SCAP: variants seen among roughly 807,000 people sequenced by gnomAD.
SCAP encodes the protein SREBF chaperone.
A neutral mutation model predicts 123.6 loss-of-function variants in SCAP; 65 were observed. That is an observed-to-expected ratio of 0.53 (90% CI 0.43 to 0.65). The LOEUF (loss-of-function observed/expected upper bound fraction) is 0.65, where lower values mean the gene tolerates loss of function less well. SCAP is among the 30% of genes least tolerant of loss of function. SCAP has a pLI of 0.00. For missense variants in SCAP, 1,398 were observed against 1,712.5 expected, an observed-to-expected ratio of 0.82 and a Z score of 3.24; for synonymous variants, 740 against 726.3, an observed-to-expected ratio of 1.02 and a Z score of -0.30.
At chr3:47,444,843 C>A (rs1706966080) in intron 1 of SCAP, among the ~76,000 whole-genome samples, 2 of 151,232 alleles carry the variant, frequency 1.3e-5, no homozygotes, top group Admixed American at 6.6e-5. Context: ...ACAATCTTGG[C>A]TCAATGAAAT....
intron 2 of SCAP, 89 bp from the exon 3 acceptor site, chr3:47,435,226 C>T (rs1706522318): frequency 1.4e-6 from 2 of 1,413,510 alleles, no homozygotes; most frequent in South Asian, 1.4e-5. Context: ...GAGTTAATAA[C>T]TAAATTCTGT....
chr3:47,472,756 T>C (rs1287395668), intron 1 of SCAP, among the ~76,000 whole-genome samples: 1 of 151,998 alleles, frequency 6.6e-6, no homozygotes, highest in Non-Finnish European at 1.5e-5. Flanking sequence ...TACCACCTTC[T>C]TCCACTACCC....
At chr3:47,436,308 G>A (rs1183764031) in intron 2 of SCAP, among the ~76,000 whole-genome samples, 2 of 152,178 alleles carry the variant, frequency 1.3e-5, no homozygotes, top group African/African-American at 2.4e-5. Context: ...CCCGATATAC[G>A]CAAGGAAAAG....
rs57702290 is a variant in SCAP at position 47,435,469 on chromosome 3, T to TACACACACACAC, written c.123-344_123-333dup. 8.5e-3 allele frequency among the ~76,000 whole-genome samples: 780 copies of TACACACACACAC among 91,908 alleles called. 14 individuals carry two copies. The highest frequency in any genetic ancestry group is 0.022 in the African/African-American group (634 of 28,888). The allele number at this position is 91,908 out of a possible 152,430, so 60.3% of individuals were successfully genotyped here. A position where few individuals can be genotyped will look rare whatever the true frequency, so the allele number is the denominator to read the frequency against. On this transcript the variant is annotated intron_variant, in intron 2 of 22. Coordinates refer to ENST00000265565, the MANE Select transcript of SCAP (RefSeq NM_012235.4). The stretch of plus-strand genomic sequence containing the variant: ...AACATTAACATATATAATATAAACA[T>TACACACACACAC]ACACACACACACACACACACACACA...
chr3:47,465,240 G>A (rs989868576), intron 1 of SCAP, among the ~76,000 whole-genome samples: 3 of 150,740 alleles, frequency 2.0e-5, no homozygotes, highest in African/African-American at 4.9e-5. Flanking sequence ...GCACAATCTC[G>A]GTTCACTGCA....
At position 47,417,446 on chromosome 3, in the gene SCAP, G is replaced by T. The variant is rs1705640374; in HGVS notation, c.2828C>A (p.Ser943Tyr). 6.4e-7 allele frequency: 1 copy of T among 1,553,848 alleles called. No individual in the cohort carries two copies. Reference sequence around the variant, plus strand: ...GCCACCCTCGTCCTCAGGGGCCTGGGACAGCACCGGCCCAGGCGAGGGTGG... The same window carrying T: ...GCCACCCTCGTCCTCAGGGGCCTGGTACAGCACCGGCCCAGGCGAGGGTGG... ...LRPPSPGPVL[S>Y]QAPEDEGGSP... Residue 943 changes from serine (S) to tyrosine (Y), a missense_variant, in exon 17 of 23, where the codon TCC (serine) becomes TAC (tyrosine). Physicochemically the swap from Ser to Tyr is moderately radical, Grantham distance 144. Transcript: ENST00000265565.
intron 18 of SCAP, 23 bp from the exon 19 acceptor site, chr3:47,415,203 A>G: frequency 6.3e-7 from 1 of 1,595,832 alleles, no homozygotes; most frequent in South Asian, 1.1e-5. Context: ...AACAGCTGCC[A>G]GGGGCCTCTC....
rs1706873022 is a variant in SCAP, at chr3:47,443,166, T to TA, written c.-98-76dup. 3.3e-6 allele frequency: 4 copies of TA among 1,194,914 alleles called. No individual in the cohort carries two copies. The Admixed American group carries it at 1.1e-4, about 34-fold the overall frequency. 74.0% of individuals were successfully genotyped at this position (1,194,914 alleles called of 1,614,324 possible). A position where few individuals can be genotyped will look rare whatever the true frequency, so the allele number is the denominator to read the frequency against. ...CACTAGGGCTGCTGGAGGGAGGCGA[T>TA]AGTTATGTGGCTGGGGAATGGTTTC... On this transcript the variant is annotated intron_variant, in intron 1 of 22. Transcript: ENST00000265565.
chr3:47,428,428 G>T, intron 4 of SCAP, 85 bp downstream of exon 4: 1 of 1,368,742 alleles, frequency 7.3e-7, no homozygotes, highest in Non-Finnish European at 1.0e-6. Context: ...GAGCTGACTG[G>T]CTCACTGCAG....
intron 3 of SCAP, among the ~76,000 whole-genome samples, chr3:47,429,243 T>C (rs892191091): frequency 6.6e-6 from 1 of 152,368 alleles, no homozygotes; most frequent in East Asian, 1.9e-4. Flanking sequence ...GTCACAGTAT[T>C]GGCTTCTAGC....
chr3:47,467,336 G>A (rs987429380), intron 1 of SCAP, among the ~76,000 whole-genome samples: 1 of 152,058 alleles, frequency 6.6e-6, no homozygotes, highest in Admixed American at 6.6e-5. Context: ...TCGGTGGGGT[G>A]GCTCATGCCT....
intron 1 of SCAP, among the ~76,000 whole-genome samples, chr3:47,474,996 C>T (rs777984970): frequency 6.6e-6 from 1 of 152,172 alleles, no homozygotes; most frequent in Non-Finnish European, 1.5e-5. Context: ...AAGAAACACA[C>T]GCAACGCTAA....
Position 47,418,302 on chromosome 3 carries a change from C to T in SCAP, c.2331+19G>A. 1.3e-6 allele frequency: 2 copies of T among 1,554,322 alleles called. No individual in the cohort carries two copies. Among genetic ancestry groups the T allele is most frequent in the Admixed American group, 1.9e-5 (1 of 51,652 alleles). The stretch of plus-strand genomic sequence containing the variant: ...CAGGCTCCGGCCCTCCCCTACCCGG[C>T]CACTGTGCCCCTGCTCACCATGAGG... On this transcript the variant is annotated intron_variant, in intron 15 of 22. Coordinates refer to ENST00000265565, the MANE Select transcript of SCAP (RefSeq NM_012235.4).
chr3:47,422,387 G>A, intron 10 of SCAP, 55 bp downstream of exon 10: 1 of 1,496,822 alleles, frequency 6.7e-7, no homozygotes, highest in Middle Eastern at 1.9e-4. Flanking sequence ...TGCACAGCTG[G>A]GGAGCACAGC....
rs750672909 is a variant in SCAP, at chr3:47,418,225, C to T, written c.2356G>A (p.Gly786Ser). ...LMDIECLASDGMLLVSCCLAG... is the reference protein window; with the variant it reads ...LMDIECLASDSMLLVSCCLAG... ...AGGCAGCAGCTCACCAGCAGCATGC[C>T]GTCGCTGGCCAGGCACTCGATGTCC... The change falls in exon 16 of 23, where the codon GGC becomes AGC. Residue 786 changes from glycine to serine, a missense_variant. Transcript: ENST00000265565. 14 of 1,569,504 alleles carry T rather than the reference C, an allele frequency of 8.9e-6. No homozygotes were observed. In the East Asian group the frequency reaches 1.9e-4, roughly 21 times the overall value.
Position 47,414,938 on chromosome 3 carries a change from T to C in SCAP, c.3195A>G (p.Thr1065=), listed in dbSNP as rs769484575. The C allele has an allele frequency of 1.2e-6, 2 of 1,612,034 alleles. No homozygotes were observed. The highest frequency in any genetic ancestry group is 1.7e-6 in the Non-Finnish European group (2 of 1,179,422). The change falls in exon 20 of 23, where the codon ACA becomes ACG. Residue 1065 remains threonine (T), a synonymous_variant. Transcript: ENST00000265565. ...PASPVYSSSD[T]VACHLTHTVP... ...CTGTGTGGGTCAGGTGACAGGCCACTGTGTCGCTGCTGCTGTACACTGGAG... is the reference window on the plus strand; with the variant it reads ...CTGTGTGGGTCAGGTGACAGGCCACCGTGTCGCTGCTGCTGTACACTGGAG...
rs1705843477 is a variant in SCAP, at chr3:47,420,491, CACA to C, written c.1563+60_1563+62del. The stretch of plus-strand genomic sequence containing the variant: ...GCCACTCTAAGGCCAAGTGCAGCAC[CACA>C]AGGGGCCTGGAGCACCGGCCCTCCA... On this transcript the variant is annotated intron_variant, in intron 12 of 22. Transcript: ENST00000265565. The surrounding 1 kb of genome is among the most constrained non-coding windows in gnomAD (Gnocchi z 5.0). 1 of 1,433,170 alleles carries C rather than the reference CACA, an allele frequency of 7.0e-7. No individual in the cohort carries two copies. The highest frequency in any genetic ancestry group is 2.4e-5 in the East Asian group (1 of 41,250). 88.8% of individuals were successfully genotyped at this position (1,433,170 alleles called of 1,614,324 possible). A position where few individuals can be genotyped will look rare whatever the true frequency, so the allele number is the denominator to read the frequency against.
intron 1 of SCAP, among the ~76,000 whole-genome samples, chr3:47,467,192 A>G (rs959266682): frequency 2.6e-5 from 4 of 152,208 alleles, no homozygotes; most frequent in Admixed American, 2.0e-4. Context: ...CACAAATCAT[A>G]TATCTAACAA....
Position 47,424,064 on chromosome 3 carries a change from A to C in SCAP, c.1038-19T>G, listed in dbSNP as rs1340121150. On this transcript the variant is annotated intron_variant, in intron 8 of 22. Coordinates refer to ENST00000265565, the MANE Select transcript of SCAP (RefSeq NM_012235.4). ...AATCTCGCTGGGGACAGAGAAGGAG[A>C]AGGTGAGGACAGTGTTGTGGTGGTT... 1 of 1,583,184 alleles carries C rather than the reference A, an allele frequency of 6.3e-7. No individual in the cohort carries two copies.
Sources: gnomAD v4.1 joint callset for allele counts (sites outside exome capture counted in the v4.1 genomes callset) on GRCh38, gnomAD v4.1.1 for gene constraint, Gnocchi (gnomAD v3.1) non-coding constraint, MANE v1.5 for transcripts, NCBI Gene and HGNC (gene_info 2026-07-23, HGNC 2026-07-21) for gene names.